ELAPOR2: variants seen among roughly 807,000 people sequenced by gnomAD.
The protein encoded by ELAPOR2 is endosome-lysosome associated apoptosis and autophagy regulator family member 2, also known as endosome/lysosome-associated apoptosis and autophagy regulator family member 2.
ELAPOR2 carries 89 observed loss-of-function variants against 120.7 expected under a neutral mutation model. The ratio of observed to expected loss-of-function variants is 0.74; its 90% CI spans 0.62 to 0.88. The LOEUF (loss-of-function observed/expected upper bound fraction) is 0.88, where lower values mean the gene tolerates loss of function less well. ELAPOR2 is among the 40% of genes least tolerant of loss of function. The pLI is 0.00. For synonymous variants in ELAPOR2, 444 were observed against 444.9 expected, an observed-to-expected ratio of 1.00 and a Z score of 0.03; for missense variants, 1,134 against 1,251.6, an observed-to-expected ratio of 0.91 and a Z score of 1.42.
At chr7:86,990,435 C>T (rs1475874156) in intron 1 of ELAPOR2, among the ~76,000 whole-genome samples, 1 of 152,090 alleles carries the variant, frequency 6.6e-6, no homozygotes. Context: ...TGTTGGCACA[C>T]TTAACCCCCT....
At chr7:87,055,475 T>G (rs1465796521) in intron 1 of ELAPOR2, among the ~76,000 whole-genome samples, 1 of 152,198 alleles carries the variant, frequency 6.6e-6, no homozygotes, top group African/African-American at 2.4e-5. Flanking sequence ...AGCTTCTCAT[T>G]GCATGCTGTA....
intron 8 of ELAPOR2, among the ~76,000 whole-genome samples, chr7:86,932,083 C>T (rs1250140421): frequency 6.6e-6 from 1 of 151,816 alleles, no homozygotes; most frequent in Non-Finnish European, 1.5e-5. Context: ...TGGCTATGGG[C>T]TCATGATTCA....
intron 18 of ELAPOR2, among the ~76,000 whole-genome samples, chr7:86,903,914 T>TGTAA (rs1488095342): frequency 6.6e-6 from 1 of 152,134 alleles, no homozygotes; most frequent in Non-Finnish European, 1.5e-5. Flanking sequence ...ACCAATAACT[T>TGTAA]GTAAGTCAGT....
chr7:87,026,149 G>C (rs1484527095), intron 1 of ELAPOR2, among the ~76,000 whole-genome samples: 1 of 152,046 alleles, frequency 6.6e-6, no homozygotes, highest in Non-Finnish European at 1.5e-5. Context: ...GAAAGTAAGG[G>C]GGAAAGCTGG....
In ELAPOR2 at chr7:87,040,662, A is replaced by G. The variant is rs561981538; in HGVS notation, c.189+18663T>C. Among the ~76,000 whole-genome samples the G allele has an allele frequency of 3.0e-4, 46 of 152,356 alleles. No homozygotes were observed. In the East Asian group the frequency reaches 4.4e-3, roughly 15 times the overall value. ...AAGTAGATAAAACCACAAAGAGGGGAAAAAACAGAACAGAACAGCTGGAAA... is the reference window on the plus strand; with the variant it reads ...AAGTAGATAAAACCACAAAGAGGGGGAAAAACAGAACAGAACAGCTGGAAA... On this transcript the variant is annotated intron_variant, in intron 1 of 21. Transcript: ENST00000450689.
chr7:86,943,931 G>C (rs1790899931), intron 4 of ELAPOR2, among the ~76,000 whole-genome samples: 1 of 152,000 alleles, frequency 6.6e-6, no homozygotes, highest in Non-Finnish European at 1.5e-5. Context: ...TCACTTAATT[G>C]CTCAATAACA....
intron 1 of ELAPOR2, among the ~76,000 whole-genome samples, chr7:87,012,344 A>T (rs955465679): frequency 1.3e-5 from 2 of 152,154 alleles, no homozygotes; most frequent in African/African-American, 4.8e-5. Flanking sequence ...CAGGAGGTGG[A>T]GGTTGCAGTG....
intron 1 of ELAPOR2, among the ~76,000 whole-genome samples, chr7:87,025,039 T>C (rs9886155): frequency 1.3e-5 from 2 of 151,342 alleles, no homozygotes; most frequent in African/African-American, 4.8e-5. Context: ...AAGATTATGA[T>C]TCCTCCATAC....
At chr7:87,040,030 G>C (rs1794719756) in intron 1 of ELAPOR2, among the ~76,000 whole-genome samples, 1 of 152,158 alleles carries the variant, frequency 6.6e-6, no homozygotes, top group African/African-American at 2.4e-5. Context: ...GGAAAATCGG[G>C]TCACTCCCAC....
chr7:86,957,260 T>C lies in ELAPOR2; in HGVS notation c.310+7644A>G, dbSNP rs142794216. ...CAAACTAAGCCTTCTGAGGACAAAATATTTGACAGCATTTTGTATGTCAAT... is the reference window on the plus strand; with the variant it reads ...CAAACTAAGCCTTCTGAGGACAAAACATTTGACAGCATTTTGTATGTCAAT... On this transcript the variant is annotated intron_variant, in intron 2 of 21. Coordinates refer to ENST00000450689, the MANE Select transcript of ELAPOR2 (RefSeq NM_001142749.3). 1.5e-3 allele frequency among the ~76,000 whole-genome samples: 226 copies of C among 152,342 alleles called. 1 individual carries two copies. Among genetic ancestry groups the C allele is most frequent in the African/African-American group, 5.3e-3 (221 of 41,584 alleles).
chr7:86,885,335 G>T (rs1799636829), intron 21 of ELAPOR2, among the ~76,000 whole-genome samples: 1 of 152,182 alleles, frequency 6.6e-6, no homozygotes, highest in South Asian at 2.1e-4. Context: ...AATGATGTCA[G>T]TAAACAGAAC....
At chr7:87,002,889 C>T (rs554733559) in intron 1 of ELAPOR2, among the ~76,000 whole-genome samples, 1 of 152,204 alleles carries the variant, frequency 6.6e-6, no homozygotes, top group Non-Finnish European at 1.5e-5. Flanking sequence ...AGAAATGAAC[C>T]ACACTCCTTC....
intron 9 of ELAPOR2, 81 bp from the exon 10 acceptor site, chr7:86,925,737 C>T: frequency 8.1e-7 from 1 of 1,239,460 alleles, no homozygotes; most frequent in Non-Finnish European, 1.2e-6. Context: ...AAACACACTA[C>T]ATTACAATTA....
chr7:86,932,914 C>T (rs1790392544), intron 8 of ELAPOR2, among the ~76,000 whole-genome samples: 1 of 151,572 alleles, frequency 6.6e-6, no homozygotes, highest in East Asian at 1.9e-4. Flanking sequence ...TTCAAACACA[C>T]TGGAGTCTTT....
Position 87,059,587 on chromosome 7 carries a change from G to A in ELAPOR2, c.-74C>T, listed in dbSNP as rs1369747278. 4 of 1,128,768 alleles carry A rather than the reference G, an allele frequency of 3.5e-6. No individual in the cohort carries two copies. In the Admixed American group the frequency reaches 1.5e-4, roughly 41 times the overall value. 69.9% of individuals were successfully genotyped at this position (1,128,768 alleles called of 1,614,324 possible). A position where few individuals can be genotyped will look rare whatever the true frequency, so the allele number is the denominator to read the frequency against. ...GGTGCGGCGGCAGCTCCGGCTCCCG[G>A]GCCGCGACTGCTGTGCGCTCGTCTC... On this transcript the variant is annotated 5_prime_UTR_variant, in exon 1 of 22. Transcript: ENST00000450689.
Position 86,926,920 on chromosome 7 carries a change from CAAAAAA to C in ELAPOR2, c.1090-10_1090-5del, listed in dbSNP as rs397698585. The C allele has an allele frequency of 5.3e-4, 469 of 889,748 alleles. No homozygotes were observed. The highest frequency in any genetic ancestry group is 1.8e-3 in the Middle Eastern group (4 of 2,236). The allele number at this position is 889,748 out of a possible 1,614,324, so 55.1% of individuals were successfully genotyped here. On this transcript the variant is annotated splice_polypyrimidine_tract_variant and splice_region_variant and intron_variant, in intron 8 of 21. Coordinates refer to ENST00000450689, the MANE Select transcript of ELAPOR2 (RefSeq NM_001142749.3). The stretch of plus-strand genomic sequence containing the variant: ...TCCACTTGTACATTATCTGTGTCTA[CAAAAAA>C]AAAAAAAAAAAAAAAGCAACCAAGT...
intron 1 of ELAPOR2, among the ~76,000 whole-genome samples, chr7:87,041,804 GAC>G (rs1403315133): frequency 6.6e-6 from 1 of 151,760 alleles, no homozygotes; most frequent in Non-Finnish European, 1.5e-5. Flanking sequence ...CTAATTAAAA[GAC>G]ACAGACTGGC....
chr7:86,906,232 C>G (rs1336865184), intron 18 of ELAPOR2, among the ~76,000 whole-genome samples: 1 of 152,126 alleles, frequency 6.6e-6, no homozygotes, highest in Non-Finnish European at 1.5e-5. Flanking sequence ...TCTTTTATTG[C>G]TAGAATCTCT....
At chr7:86,923,607 C>G (rs1023791440) in intron 10 of ELAPOR2, among the ~76,000 whole-genome samples, 22 of 151,886 alleles carry the variant, frequency 1.4e-4, no homozygotes, top group Admixed American at 2.6e-4. Flanking sequence ...ACACTGTTTC[C>G]TTGGTATAAT....
Sources: gnomAD v4.1 joint callset for allele counts (sites outside exome capture counted in the v4.1 genomes callset) on GRCh38, gnomAD v4.1.1 for gene constraint, MANE v1.5 for transcripts, NCBI Gene and HGNC (gene_info 2026-07-23, HGNC 2026-07-21) for gene names.